Variants in DNMT3B observed in about 807,000 individuals in gnomAD.
The protein encoded by DNMT3B is DNA (cytosine-5)-methyltransferase 3B.
Under a neutral mutation model 120.2 loss-of-function variants are expected in DNMT3B, and 37 were observed. The ratio of observed to expected loss-of-function variants is 0.31; its 90% CI spans 0.24 to 0.40. The LOEUF is 0.40. DNMT3B is among the 10% of genes least tolerant of loss of function. The probability of loss-of-function intolerance (pLI) is 1.00; values close to 1 mark genes in which losing one functional copy is unlikely to be tolerated. For synonymous variants in DNMT3B, 412 were observed against 442.8 expected, an observed-to-expected ratio of 0.93 and a Z score of 0.87; for missense variants, 878 against 1,137.3, an observed-to-expected ratio of 0.77 and a Z score of 3.28.
chr20:32,775,708 A>T (rs369748119), intron 1 of DNMT3B, among the ~76,000 whole-genome samples: 1 of 152,252 alleles, frequency 6.6e-6, no homozygotes, highest in African/African-American at 2.4e-5. Context: ...CTCAGCTGGT[A>T]TATCATGTCC....
rs1382218319 is a variant in DNMT3B, at chr20:32,805,461, G to A, written c.2301+54G>A. 22 of 1,601,078 alleles carry A rather than the reference G, an allele frequency of 1.4e-5. No individual in the cohort carries two copies. In the East Asian group the frequency reaches 4.5e-4, roughly 32 times the overall value. ...ATGCACTTGGTGACCTCCAAGTGGG[G>A]ACTTGGGAGATGACCTTGGTGTTTG... On this transcript the variant is annotated intron_variant, in intron 21 of 22. Transcript: ENST00000328111.
At chr20:32,798,018 G>T (rs1415640182) in intron 14 of DNMT3B, among the ~76,000 whole-genome samples, 9 of 151,796 alleles carry the variant, frequency 5.9e-5, no homozygotes, top group African/African-American at 1.9e-4. Context: ...CGCTGCCTCG[G>T]CTGGTCTCAA....
Position 32,766,921 on chromosome 20 carries a change from G to A in DNMT3B, c.-7+4222G>A, listed in dbSNP as rs752192719. Among the ~76,000 whole-genome samples the A allele has an allele frequency of 4.7e-5, 7 of 150,168 alleles. No homozygotes were observed. The South Asian group carries it at 6.4e-4, about 14-fold the overall frequency. On this transcript the variant is annotated intron_variant, in intron 1 of 22. Transcript: ENST00000328111. ...TTTTTATTTTTTGAGATGGAGTTTC[G>A]CTCTTGTCGCCCAGGTTGGAGTGCA...
At chr20:32,770,653 C>T (rs1987671366) in intron 1 of DNMT3B, among the ~76,000 whole-genome samples, 1 of 148,690 alleles carries the variant, frequency 6.7e-6, no homozygotes, top group Non-Finnish European at 1.5e-5. Flanking sequence ...TCGCTCTTTG[C>T]CCAGGCTGGA....
At chr20:32,784,916 A>C in intron 4 of DNMT3B, 57 bp downstream of exon 4, 4 of 1,500,188 alleles carry the variant, frequency 2.7e-6, no homozygotes, top group Non-Finnish European at 3.7e-6. Context: ...CATAGCATAC[A>C]TAGCATGCTA....
intron 1 of DNMT3B, among the ~76,000 whole-genome samples, chr20:32,778,305 C>T (rs1988169758): frequency 6.6e-6 from 1 of 151,890 alleles, no homozygotes; most frequent in African/African-American, 2.4e-5. Context: ...CATTGCATTC[C>T]AGCCTGGCGG....
chr20:32,767,798 G>A (rs1987476349), intron 1 of DNMT3B, among the ~76,000 whole-genome samples: 1 of 152,212 alleles, frequency 6.6e-6, no homozygotes, highest in African/African-American at 2.4e-5. Flanking sequence ...CTCCAGAGCA[G>A]CAGGCTGAGG....
chr20:32,762,710 CG>C lies in DNMT3B; in HGVS notation c.-7+15del, dbSNP rs1286458608. 1 of 164,576 alleles carries C rather than the reference CG, an allele frequency of 6.1e-6. No individual in the cohort carries two copies. Among genetic ancestry groups the C allele is most frequent in the Non-Finnish European group, 1.3e-5 (1 of 78,220 alleles). 10.2% of individuals were successfully genotyped at this position (164,576 alleles called of 1,614,324 possible). On this transcript the variant is annotated intron_variant, in intron 1 of 22. Coordinates refer to ENST00000328111, the MANE Select transcript of DNMT3B (RefSeq NM_006892.4). The stretch of plus-strand genomic sequence containing the variant: ...CCAGCCCTGCGGCAGGTGAGCGCCC[CG>C]GGGCCCCGGGGAGGCTCGGCCGCCA...
intron 19 of DNMT3B, among the ~76,000 whole-genome samples, chr20:32,802,063 G>A (rs1981404673): frequency 6.6e-6 from 1 of 152,194 alleles, no homozygotes; most frequent in Non-Finnish European, 1.5e-5. Context: ...GCTCATGTCT[G>A]CAGTCCTAGC....
intron 1 of DNMT3B, among the ~76,000 whole-genome samples, chr20:32,777,957 C>T (rs901714726): frequency 2.6e-5 from 4 of 152,320 alleles, no homozygotes; most frequent in East Asian, 1.9e-4. Context: ...TATGTATCAG[C>T]GCACATGTTT....
At chr20:32,806,182 A>G (rs1485696827) in intron 21 of DNMT3B, 27 bp from the exon 22 acceptor site, 1 of 1,606,564 alleles carries the variant, frequency 6.2e-7, no homozygotes, top group East Asian at 2.2e-5. Context: ...TTCTGTGCTC[A>G]CTCCATGATG....
At chr20:32,784,027 C>G (rs1439167697) in intron 3 of DNMT3B, among the ~76,000 whole-genome samples, 1 of 152,072 alleles carries the variant, frequency 6.6e-6, no homozygotes, top group Non-Finnish European at 1.5e-5. Context: ...ACTCCTGCCT[C>G]AGCCTCCTGA....
chr20:32,771,990 T>G (rs948227733), intron 1 of DNMT3B, among the ~76,000 whole-genome samples: 6 of 152,224 alleles, frequency 3.9e-5, no homozygotes, highest in African/African-American at 1.4e-4. Context: ...GAGAAATGGC[T>G]TAAACATCAA....
At chr20:32,781,528 C>T (rs1978627964) in intron 3 of DNMT3B, 114 bp downstream of exon 3, 7 of 1,095,948 alleles carry the variant, frequency 6.4e-6, no homozygotes, top group South Asian at 2.6e-5. Context: ...GGAGGGTTGC[C>T]GAGCTAGATG....
Position 32,792,753 on chromosome 20 carries a change from CCAA to C in DNMT3B, c.1055_1057del (p.Asn352del). 6.2e-7 allele frequency: 1 copy of C among 1,614,184 alleles called. No homozygotes were observed. The highest frequency in any genetic ancestry group is 1.3e-5 in the African/African-American group (1 of 75,070). On this transcript the variant is annotated inframe_deletion, in exon 9 of 23. Transcript: ENST00000328111. ...CCCACTGGGATCGAGGGCCTCAAAC[CCAA>C]CAACACGCAACCAGGTGGGAATGAG...
chr20:32,768,049 ACT>A (rs147747257), intron 1 of DNMT3B, among the ~76,000 whole-genome samples: 1,657 of 151,272 alleles, frequency 0.011, 29 homozygotes, highest in African/African-American at 0.037. Flanking sequence ...AACATGGCTC[ACT>A]CTGTTGCTTA....
At chr20:32,781,253 A>G in intron 2 of DNMT3B, 100 bp from the exon 3 acceptor site, 2 of 1,220,902 alleles carry the variant, frequency 1.6e-6, no homozygotes, top group Non-Finnish European at 2.4e-6. Flanking sequence ...TGTAGGGGAG[A>G]TCCCAGGCCA....
intron 19 of DNMT3B, 62 bp downstream of exon 19, chr20:32,801,488 G>A: frequency 6.2e-7 from 1 of 1,604,704 alleles, no homozygotes; most frequent in Non-Finnish European, 8.5e-7. Context: ...GCTGCTGGCA[G>A]TGATGATTGG....
intron 7 of DNMT3B, among the ~76,000 whole-genome samples, chr20:32,789,929 TGG>T (rs1979763700): frequency 6.6e-6 from 1 of 152,200 alleles, no homozygotes; most frequent in Non-Finnish European, 1.5e-5. Flanking sequence ...TATCCTGTGA[TGG>T]TCTCTTAGAA....
Sources: allele counts gnomAD v4.1 joint callset (sites outside exome capture counted in the v4.1 genomes callset), GRCh38; gene constraint gnomAD v4.1.1; transcripts MANE v1.5; gene names NCBI Gene and HGNC (gene_info 2026-07-23, HGNC 2026-07-21).